EYS: variants seen among roughly 807,000 people sequenced by gnomAD.
EYS encodes EGF-like photoreceptor maintenance factor, also known as protein eyes shut homolog.
EYS carries 250 observed loss-of-function variants against 282.1 expected under a neutral mutation model. The observed-to-expected ratio is 0.89, with a 90% confidence interval of 0.80 to 0.98. EYS has a LOEUF of 0.98. Ranked by LOEUF, EYS falls within the 50% of genes least tolerant of loss-of-function variation. The pLI is 0.00. For synonymous variants in EYS, 1,355 were observed against 1,282.9 expected, an observed-to-expected ratio of 1.06 and a Z score of -1.20; for missense variants, 4,016 against 3,709.0, an observed-to-expected ratio of 1.08 and a Z score of -2.15.
intron 35 of EYS, among the ~76,000 whole-genome samples, chr6:63,908,036 T>TTG (rs59753065): frequency 0.013 from 1,018 of 79,248 alleles, 7 homozygotes; most frequent in Middle Eastern, 0.11. Context: ...ATATATACGT[T>TTG]TGTGTGTGTG....
intron 35 of EYS, among the ~76,000 whole-genome samples, chr6:63,946,001 A>G (rs973997626): frequency 1.3e-5 from 2 of 152,202 alleles, no homozygotes; most frequent in African/African-American, 4.8e-5. Flanking sequence ...TTTAGAGTTC[A>G]GGGTTCTCTT....
chr6:65,531,788 G>T (rs1767778693), intron 2 of EYS, among the ~76,000 whole-genome samples: 1 of 152,098 alleles, frequency 6.6e-6, no homozygotes, highest in African/African-American at 2.4e-5. Context: ...AGCTAAAATA[G>T]ATTTGAGCTA....
chr6:64,737,068 T>G (rs948168829), intron 22 of EYS, among the ~76,000 whole-genome samples: 2 of 152,212 alleles, frequency 1.3e-5, no homozygotes, highest in African/African-American at 4.8e-5. Context: ...GTACTATTTT[T>G]TATTCATCCC....
chr6:63,871,885 G>A (rs1738290762), intron 35 of EYS, among the ~76,000 whole-genome samples: 1 of 152,034 alleles, frequency 6.6e-6, no homozygotes, highest in Non-Finnish European at 1.5e-5. Context: ...CTGGAGGCAC[G>A]CGCAGGAAAC....
At chr6:63,993,527 A>C (rs1767698227) in intron 34 of EYS, among the ~76,000 whole-genome samples, 1 of 151,876 alleles carries the variant, frequency 6.6e-6, no homozygotes, top group South Asian at 2.1e-4. Context: ...TCTATAGACT[A>C]ACCATTAACT....
chr6:63,772,223 C>T (rs1034792154), intron 40 of EYS, among the ~76,000 whole-genome samples: 1 of 151,784 alleles, frequency 6.6e-6, no homozygotes, highest in African/African-American at 2.4e-5. Flanking sequence ...TGCAATGGCA[C>T]AATCTTGGCT....
At chr6:64,343,262 C>T (rs1394956293) in intron 29 of EYS, among the ~76,000 whole-genome samples, 3 of 151,756 alleles carry the variant, frequency 2.0e-5, no homozygotes, top group African/African-American at 7.3e-5. Context: ...CATTTTTTTT[C>T]AGCACCACAC....
intron 13 of EYS, among the ~76,000 whole-genome samples, chr6:65,045,701 G>T (rs1043853432): frequency 6.6e-6 from 1 of 151,762 alleles, no homozygotes; most frequent in Non-Finnish European, 1.5e-5. Flanking sequence ...TATGTTTGTT[G>T]TTTATAAGCC....
At chr6:65,116,712 A>C (rs548295936) in intron 12 of EYS, among the ~76,000 whole-genome samples, 1 of 152,306 alleles carries the variant, frequency 6.6e-6, no homozygotes, top group East Asian at 1.9e-4. Context: ...ACAACAACAA[A>C]AAAACAAAAA....
At chr6:63,942,394 A>C (rs901555609) in intron 35 of EYS, among the ~76,000 whole-genome samples, 2 of 152,192 alleles carry the variant, frequency 1.3e-5, no homozygotes, top group Non-Finnish European at 2.9e-5. Flanking sequence ...GCAGCAGGAG[A>C]AGGTTTCAAT....
intron 13 of EYS, among the ~76,000 whole-genome samples, chr6:65,038,052 G>A (rs1772823425): frequency 6.6e-6 from 1 of 151,382 alleles, no homozygotes; most frequent in South Asian, 2.1e-4. Flanking sequence ...ATGGCAAAAA[G>A]GTTTAGAATC....
At chr6:64,552,935 C>G (rs527259595) in intron 26 of EYS, among the ~76,000 whole-genome samples, 32 of 145,892 alleles carry the variant, frequency 2.2e-4, no homozygotes, top group African/African-American at 7.5e-5. Flanking sequence ...CCCCTCCCCC[C>G]CAAAAAAAGA....
chr6:64,586,028 A>AATGCT (rs769953657), intron 26 of EYS, among the ~76,000 whole-genome samples: 11 of 152,056 alleles, frequency 7.2e-5, no homozygotes, highest in African/African-American at 2.2e-4. Flanking sequence ...TTTGTTGCTT[A>AATGCT]ATGCTATGAT....
chr6:64,013,650 A>T (rs1462837040), intron 33 of EYS, among the ~76,000 whole-genome samples: 1 of 152,124 alleles, frequency 6.6e-6, no homozygotes, highest in East Asian at 1.9e-4. Context: ...AATGCTACAA[A>T]TCACCACCCC....
At chr6:63,998,686 T>G (rs754691406) in intron 34 of EYS, among the ~76,000 whole-genome samples, 1 of 152,154 alleles carries the variant, frequency 6.6e-6, no homozygotes, top group Non-Finnish European at 1.5e-5. Context: ...TCTGGAAGAC[T>G]GGGAACGGCC....
At chr6:64,853,894 A>C (rs1409706671) in intron 19 of EYS, among the ~76,000 whole-genome samples, 1 of 152,014 alleles carries the variant, frequency 6.6e-6, no homozygotes, top group Non-Finnish European at 1.5e-5. Context: ...AACTCAAACA[A>C]ATTTACAAGA....
chr6:64,377,371 A>C (rs942612967), intron 29 of EYS, among the ~76,000 whole-genome samples: 4 of 152,158 alleles, frequency 2.6e-5, no homozygotes, highest in African/African-American at 4.8e-5. Context: ...GTAGACCCAA[A>C]ACAATGGTTT....
At chr6:64,338,530 G>A (rs1229239893) in intron 29 of EYS, among the ~76,000 whole-genome samples, 2 of 151,856 alleles carry the variant, frequency 1.3e-5, no homozygotes, top group Non-Finnish European at 2.9e-5. Flanking sequence ...GGGTAGAGTA[G>A]AATCAATATT....
At chr6:64,661,520 T>G (rs1020020189) in intron 22 of EYS, among the ~76,000 whole-genome samples, 5 of 152,060 alleles carry the variant, frequency 3.3e-5, no homozygotes, top group Non-Finnish European at 5.9e-5. Context: ...GAATCTAAAA[T>G]GAACTCAAAC....
Sources: gnomAD v4.1 joint callset for allele counts (sites outside exome capture counted in the v4.1 genomes callset) on GRCh38, gnomAD v4.1.1 for gene constraint, MANE v1.5 for transcripts, NCBI Gene and HGNC (gene_info 2026-07-23, HGNC 2026-07-21) for gene names.